The following RFX3 variants were observed in gnomAD, a reference collection of about 807,000 sequenced individuals.
RFX3 encodes transcription factor RFX3.
A neutral mutation model predicts 98.6 loss-of-function variants in RFX3; 14 were observed. The ratio of observed to expected loss-of-function variants is 0.14; its 90% CI spans 0.09 to 0.22. The LOEUF (loss-of-function observed/expected upper bound fraction) is 0.22. Ranked by LOEUF, RFX3 falls within the 10% of genes least tolerant of loss-of-function variation. The probability of loss-of-function intolerance (pLI) is 1.00; values close to 1 mark genes in which losing one functional copy is unlikely to be tolerated. For missense variants in RFX3, 639 were observed against 926.9 expected (o/e 0.69, Z 4.03); for synonymous variants, 383 against 328.4 (o/e 1.17, Z -1.80).
rs1395166341 is a variant in RFX3 at position 3,506,218 on chromosome 9, TA to T, written c.-9+19528del. Among the ~76,000 whole-genome samples, 1,335 of 148,250 alleles carry T rather than the reference TA, an allele frequency of 9.0e-3. 13 individuals carry two copies. The highest frequency in any genetic ancestry group is 0.032 in the African/African-American group (1,266 of 40,170). On this transcript the variant is annotated intron_variant, in intron 1 of 16. Coordinates refer to ENST00000617270, the MANE Select transcript of RFX3 (RefSeq NM_001282116.2). ...TGAAGGACAACTGTTTTTTTTTTTT[TA>T]AAAAAAAAGGTTTTTCAGGGTAAAG...
intron 1 of RFX3, among the ~76,000 whole-genome samples, chr9:3,504,965 AATATATATTATATAATATATATGTT>A (rs1191742865): frequency 1.3e-5 from 1 of 78,058 alleles, no homozygotes; most frequent in Non-Finnish European, 2.2e-5. Context: ...TATTATATAT[AATATATATTATATAATATATATGTT>A]ATATATATTA....
At chr9:3,385,780 A>T (rs1839655067) in intron 2 of RFX3, among the ~76,000 whole-genome samples, 1 of 152,088 alleles carries the variant, frequency 6.6e-6, no homozygotes. Flanking sequence ...GCACTAAAGG[A>T]ATAGTTTAAG....
At chr9:3,233,054 G>T (rs1024701347) in intron 15 of RFX3, among the ~76,000 whole-genome samples, 3 of 152,216 alleles carry the variant, frequency 2.0e-5, no homozygotes, top group Admixed American at 6.5e-5. Flanking sequence ...TTTGAGAGAA[G>T]AAATACTTCC....
chr9:3,357,797 T>C (rs1011957328), intron 2 of RFX3, among the ~76,000 whole-genome samples: 1 of 152,118 alleles, frequency 6.6e-6, no homozygotes, highest in African/African-American at 2.4e-5. Flanking sequence ...ATATCCCAAC[T>C]ACACTGACTG....
intron 15 of RFX3, among the ~76,000 whole-genome samples, chr9:3,232,771 T>TGAGAGAGAGAGAGAGA (rs36070658): frequency 6.8e-5 from 9 of 132,312 alleles, no homozygotes; most frequent in African/African-American, 2.6e-4. Context: ...GTTTAGAATC[T>TGAGAGAGAGAGAGAGA]GAGAGAGAGA....
intron 16 of RFX3, among the ~76,000 whole-genome samples, chr9:3,228,282 T>G (rs1392336295): frequency 6.6e-6 from 1 of 152,230 alleles, no homozygotes; most frequent in Non-Finnish European, 1.5e-5. Flanking sequence ...ATCTTGAGGT[T>G]CTTCAGAAAT....
intron 1 of RFX3, among the ~76,000 whole-genome samples, chr9:3,503,459 C>T (rs576723378): frequency 1.3e-5 from 2 of 152,050 alleles, no homozygotes; most frequent in East Asian, 3.9e-4. Flanking sequence ...AGAATAGCCT[C>T]GAATACTGTG....
At chr9:3,320,226 AC>A (rs1237352889) in intron 4 of RFX3, among the ~76,000 whole-genome samples, 20 of 152,140 alleles carry the variant, frequency 1.3e-4, no homozygotes, top group Non-Finnish European at 2.4e-4. Flanking sequence ...CATGCCTCCC[AC>A]CTTTTATTCT....
At chr9:3,438,175 T>TA (rs1845317899) in intron 1 of RFX3, among the ~76,000 whole-genome samples, 1 of 152,056 alleles carries the variant, frequency 6.6e-6, no homozygotes, top group South Asian at 2.1e-4. Context: ...CAGTTGATCC[T>TA]AAAAAAGGTC....
chr9:3,252,712 T>G (rs7865970), intron 14 of RFX3, among the ~76,000 whole-genome samples: 4,590 of 152,238 alleles, frequency 0.03, 245 homozygotes, highest in African/African-American at 0.1. Context: ...GATTTCATTC[T>G]GAGTGTTTTG....
intron 1 of RFX3, among the ~76,000 whole-genome samples, chr9:3,397,949 A>C (rs1285459912): frequency 1.3e-5 from 2 of 152,196 alleles, no homozygotes. Flanking sequence ...GGGTTTACAA[A>C]ATAAATGGAA....
chr9:3,435,647 A>G (rs1845057100), intron 1 of RFX3, among the ~76,000 whole-genome samples: 1 of 151,918 alleles, frequency 6.6e-6, no homozygotes, highest in African/African-American at 2.4e-5. Context: ...TTACCTCAAT[A>G]TTGTATTTAC....
chr9:3,315,356 T>C, intron 4 of RFX3, among the ~76,000 whole-genome samples: 1 of 152,180 alleles, frequency 6.6e-6, no homozygotes, highest in Admixed American at 6.5e-5. Flanking sequence ...CCAGAACCTC[T>C]AGGACACATT....
chr9:3,505,222 T>TTATATATGAATATATATTTATA (rs1220314391), intron 1 of RFX3, among the ~76,000 whole-genome samples: 12,844 of 54,930 alleles, frequency 0.23, 1,687 homozygotes, highest in African/African-American at 0.47. Flanking sequence ...GAATATATAT[T>TTATATATGAATATATATTTATA]TATATATGAA....
intron 2 of RFX3, among the ~76,000 whole-genome samples, chr9:3,353,750 C>T (rs563473319): frequency 2.6e-5 from 4 of 152,058 alleles, no homozygotes; most frequent in African/African-American, 7.2e-5. Flanking sequence ...TCCAGACTTA[C>T]AATACCATAA....
chr9:3,370,756 T>C (rs974602620), intron 2 of RFX3, among the ~76,000 whole-genome samples: 1 of 152,174 alleles, frequency 6.6e-6, no homozygotes, highest in African/African-American at 2.4e-5. Flanking sequence ...TTCTCCACTA[T>C]ATAAAATACA....
intron 2 of RFX3, among the ~76,000 whole-genome samples, chr9:3,351,601 T>C (rs1472086166): frequency 6.6e-6 from 1 of 151,912 alleles, no homozygotes; most frequent in Non-Finnish European, 1.5e-5. Flanking sequence ...CCCACATATA[T>C]AAATACTCCC....
intron 5 of RFX3, among the ~76,000 whole-genome samples, chr9:3,297,548 T>C (rs1462428591): frequency 6.6e-6 from 1 of 152,058 alleles, no homozygotes; most frequent in East Asian, 1.9e-4. Context: ...CATCTAAATG[T>C]AACATTTGTC....
At chr9:3,409,753 G>C (rs988976055) in intron 1 of RFX3, among the ~76,000 whole-genome samples, 2 of 152,200 alleles carry the variant, frequency 1.3e-5, no homozygotes, top group African/African-American at 2.4e-5. Context: ...TGGTGAAGGA[G>C]TAATCGGTTT....
Sources: allele counts gnomAD v4.1 joint callset (sites outside exome capture counted in the v4.1 genomes callset), GRCh38; gene constraint gnomAD v4.1.1; transcripts MANE v1.5; gene names NCBI Gene and HGNC (gene_info 2026-07-23, HGNC 2026-07-21).